Variants in UGT1A6 observed in about 807,000 individuals in gnomAD.
The protein encoded by UGT1A6 is UDP glucuronosyltransferase family 1 member A6.
In UGT1A6, 32 loss-of-function variants were observed where a neutral mutation model predicts 44.4. The observed-to-expected ratio is 0.72, with a 90% CI of 0.54 to 0.97. The LOEUF is 0.97. Among genes scored for constraint, UGT1A6 ranks in the 50% least tolerant of loss-of-function variants. UGT1A6 has a pLI of 0.00. For synonymous variants in UGT1A6, 238 were observed against 248.5 expected (o/e 0.96, Z 0.40); for missense variants, 685 against 661.9 (o/e 1.03, Z -0.38).
chr2:233,765,534 C>G (rs1303263434), intron 1 of UGT1A6, among the ~76,000 whole-genome samples: 1 of 152,060 alleles, frequency 6.6e-6, no homozygotes, highest in African/African-American at 2.4e-5. Context: ...CATGTTCTCA[C>G]TCATAAGTGG....
rs762309245 is a variant in UGT1A6 at position 233,767,917 on chromosome 2, A to G, written c.1062A>G (p.Leu354=). The stretch of plus-strand genomic sequence containing the variant: ...ACAACACGATACTTGTTAAGTGGCT[A>G]CCCCAAAACGATCTGCTTGGTATGT... ...LANNTILVKW[L]PQNDLLGHPM... The change falls in exon 3 of 5, where the codon CTA becomes CTG. Residue 354 remains leucine, a synonymous_variant. Coordinates refer to ENST00000305139, the MANE Select transcript of UGT1A6 (RefSeq NM_001072.4). 2 of 1,614,072 alleles carry G rather than the reference A, an allele frequency of 1.2e-6. No homozygotes were observed. The highest frequency in any genetic ancestry group is 2.2e-5 in the East Asian group (1 of 44,896).
At chr2:233,695,316 G>A (rs2075280466) in intron 1 of UGT1A6, among the ~76,000 whole-genome samples, 1 of 151,812 alleles carries the variant, frequency 6.6e-6, no homozygotes, top group African/African-American at 2.4e-5. Flanking sequence ...AGTAGAGGCG[G>A]GGTTTCACCA....
intron 1 of UGT1A6, among the ~76,000 whole-genome samples, chr2:233,710,713 A>AT: frequency 6.6e-6 from 1 of 152,088 alleles, no homozygotes; most frequent in Non-Finnish European, 1.5e-5. Context: ...CCTTTGTTTC[A>AT]TTTTTTAAAA....
At chr2:233,692,438 A>C (rs1311287239), upstream of UGT1A6, 1 of 155,598 alleles carries the variant, frequency 6.4e-6, no homozygotes, top group Admixed American at 6.2e-5. Context: ...AGTTGTGGGT[A>C]ACCTGGGGAC....
chr2:233,750,237 A>G (rs766063070), intron 1 of UGT1A6, among the ~76,000 whole-genome samples: 1 of 151,900 alleles, frequency 6.6e-6, no homozygotes, highest in Non-Finnish European at 1.5e-5. Flanking sequence ...ACTTATTGGG[A>G]ACTGGAACAA....
chr2:233,711,904 C>T (rs2076203848), intron 1 of UGT1A6, among the ~76,000 whole-genome samples: 1 of 152,172 alleles, frequency 6.6e-6, no homozygotes, highest in African/African-American at 2.4e-5. Context: ...GGCGTGAGAC[C>T]ATTGTGAGTG....
intron 1 of UGT1A6, chr2:233,747,709 C>A (rs1194057066): frequency 6.2e-7 from 1 of 1,612,868 alleles, no homozygotes; most frequent in Non-Finnish European, 8.5e-7. Context: ...AAGTACCTAT[C>A]AATTCCTGCT....
chr2:233,730,135 G>GA lies in UGT1A6; in HGVS notation c.861+36271dup, dbSNP rs1299530262. ...TCTCCTTGTCATAATAGCCTTCAGT[G>GA]AGATAAACTGTTAAGGGGTCTCTAG... On this transcript the variant is annotated intron_variant, in intron 1 of 4. Coordinates refer to ENST00000305139, the MANE Select transcript of UGT1A6 (RefSeq NM_001072.4). 3.8e-5 allele frequency: 58 copies of GA among 1,528,822 alleles called. No homozygotes were observed. In the African/African-American group the frequency reaches 8.0e-4, roughly 21 times the overall value. 94.7% of individuals were successfully genotyped at this position (1,528,822 alleles called of 1,614,324 possible).
upstream of UGT1A6, chr2:233,692,383 A>G (rs1237796936): frequency 1.9e-5 from 3 of 155,458 alleles, no homozygotes; most frequent in Non-Finnish European, 4.3e-5. Flanking sequence ...ATTGACTCCA[A>G]GAAAGAGGGT....
intron 1 of UGT1A6, among the ~76,000 whole-genome samples, chr2:233,734,585 A>G (rs1334930397): frequency 1.3e-5 from 2 of 151,422 alleles, no homozygotes; most frequent in African/African-American, 4.9e-5. Context: ...TTGCTTATCT[A>G]GTTCTTTTAT....
chr2:233,747,611 T>C (rs529621956), intron 1 of UGT1A6: 1 of 1,574,810 alleles, frequency 6.3e-7, no homozygotes, highest in African/African-American at 1.4e-5. Flanking sequence ...AGCTACTGCA[T>C]AATGAGGCCC....
chr2:233,744,569 T>A (rs1692854365), intron 1 of UGT1A6, among the ~76,000 whole-genome samples: 2 of 151,878 alleles, frequency 1.3e-5, no homozygotes, highest in Non-Finnish European at 2.9e-5. Context: ...GTGAGAAGAG[T>A]GGCATCGTTT....
chr2:233,701,796 C>T (rs969772505), intron 1 of UGT1A6, among the ~76,000 whole-genome samples: 2 of 152,064 alleles, frequency 1.3e-5, no homozygotes, highest in African/African-American at 2.4e-5. Context: ...TTGAAATCAA[C>T]GAGAACAAAG....
At chr2:233,740,578 C>T (rs1384729734) in intron 1 of UGT1A6, 2 of 151,846 alleles carry the variant, frequency 1.3e-5, no homozygotes, top group South Asian at 4.1e-4. Flanking sequence ...TTTTTTGGGA[C>T]CCTAATGAAA....
intron 1 of UGT1A6, among the ~76,000 whole-genome samples, chr2:233,715,150 T>A (rs1370902916): frequency 6.6e-6 from 1 of 152,132 alleles, no homozygotes; most frequent in Non-Finnish European, 1.5e-5. Flanking sequence ...CCTGCCAAAG[T>A]GCTGGAATTA....
intron 1 of UGT1A6, among the ~76,000 whole-genome samples, chr2:233,737,983 G>A (rs936193524): frequency 6.6e-6 from 1 of 151,932 alleles, no homozygotes; most frequent in African/African-American, 2.4e-5. Flanking sequence ...ATATGGTTTG[G>A]CTCTGTGTCC....
intron 1 of UGT1A6, among the ~76,000 whole-genome samples, chr2:233,756,700 TG>T (rs1321231397): frequency 2.0e-5 from 3 of 152,278 alleles, no homozygotes; most frequent in South Asian, 2.1e-4. Flanking sequence ...CGATGAATTT[TG>T]GGGGGACTTT....
chr2:233,766,272 G>C (rs1351320268), intron 1 of UGT1A6, among the ~76,000 whole-genome samples: 4 of 68,008 alleles, frequency 5.9e-5, no homozygotes, highest in Admixed American at 5.5e-4. Flanking sequence ...CCCGGGCTCG[G>C]TGGCCCGGGC....
intron 1 of UGT1A6, among the ~76,000 whole-genome samples, chr2:233,709,365 T>C (rs1407856539): frequency 2.0e-5 from 3 of 152,214 alleles, no homozygotes; most frequent in Admixed American, 6.5e-5. Flanking sequence ...TAGATTTTTC[T>C]GTGTCCTAAT....
Sources: allele counts gnomAD v4.1 joint callset (sites outside exome capture counted in the v4.1 genomes callset), GRCh38; gene constraint gnomAD v4.1.1; transcripts MANE v1.5; gene names NCBI Gene and HGNC (gene_info 2026-07-23, HGNC 2026-07-21).